PRKCZ: variants seen among roughly 807,000 people sequenced by gnomAD.
PRKCZ encodes protein kinase C zeta type.
A neutral mutation model predicts 79.5 loss-of-function variants in PRKCZ; 33 were observed. The ratio of observed to expected loss-of-function variants is 0.41; its 90% CI spans 0.31 to 0.55. PRKCZ has a LOEUF of 0.55. Among genes scored for constraint, PRKCZ ranks in the 20% least tolerant of loss-of-function variants. PRKCZ has a pLI of 0.19. For missense variants in PRKCZ, 578 were observed against 813.5 expected, an observed-to-expected ratio of 0.71 and a Z score of 3.52; for synonymous variants, 342 against 320.9, an observed-to-expected ratio of 1.07 and a Z score of -0.70.
intron 4 of PRKCZ, chr1:2,074,898 A>C (rs1662114742): frequency 6.6e-6 from 1 of 151,554 alleles, no homozygotes; most frequent in African/African-American, 2.4e-5. Context: ...AACAACAACC[A>C]GCCTCCCCAG....
At chr1:2,064,271 C>T (rs184359508) in intron 4 of PRKCZ, among the ~76,000 whole-genome samples, 13 of 152,270 alleles carry the variant, frequency 8.5e-5, no homozygotes, top group African/African-American at 1.2e-4. Flanking sequence ...ATGTTAATCC[C>T]GTAGCAGATA....
intron 4 of PRKCZ, among the ~76,000 whole-genome samples, chr1:2,095,431 GGT>G (rs1380540762): frequency 6.6e-6 from 1 of 152,100 alleles, no homozygotes; most frequent in African/African-American, 2.4e-5. Context: ...GGTGCCCAGT[GGT>G]TGAGTCGCTG....
At chr1:2,098,066 A>T (rs1234372915) in intron 4 of PRKCZ, among the ~76,000 whole-genome samples, 4 of 151,658 alleles carry the variant, frequency 2.6e-5, no homozygotes, top group Admixed American at 1.3e-4. Flanking sequence ...GTGACTCAGG[A>T]TGACTAAGAA....
rs367865287 is a variant in PRKCZ, at chr1:2,185,037, G to A, written c.*28G>A. 2.5e-5 allele frequency: 39 copies of A among 1,576,612 alleles called. No individual in the cohort carries two copies. Among genetic ancestry groups the A allele is most frequent in the East Asian group, 1.1e-4 (5 of 44,300 alleles). On this transcript the variant is annotated 3_prime_UTR_variant, in exon 18 of 18. Coordinates refer to ENST00000378567, the MANE Select transcript of PRKCZ (RefSeq NM_002744.6). Reference sequence around the variant, plus strand: ...CCGCGTGCGTCTCTGTCGTGGACACGCGTGATTGACCCTTTAACTGTATCC... The same window carrying A: ...CCGCGTGCGTCTCTGTCGTGGACACACGTGATTGACCCTTTAACTGTATCC...
At chr1:2,052,213 G>A (rs925030336) in intron 1 of PRKCZ, among the ~76,000 whole-genome samples, 1 of 152,126 alleles carries the variant, frequency 6.6e-6, no homozygotes, top group African/African-American at 2.4e-5. Flanking sequence ...GCATTCCGGC[G>A]TCCAATTCCT....
At chr1:2,083,943 G>T (rs866565798) in intron 4 of PRKCZ, among the ~76,000 whole-genome samples, 1 of 152,168 alleles carries the variant, frequency 6.6e-6, no homozygotes, top group South Asian at 2.1e-4. Flanking sequence ...TTTAAAAATC[G>T]TATGTTGGCC....
At chr1:2,089,271 C>T (rs769154921) in intron 4 of PRKCZ, among the ~76,000 whole-genome samples, 4 of 152,120 alleles carry the variant, frequency 2.6e-5, no homozygotes, top group Non-Finnish European at 5.9e-5. Context: ...CTGGGGCCTG[C>T]ATGGGTAGAA....
rs114352908 is a variant in PRKCZ at position 2,137,402 on chromosome 1, C to T, written c.420+2055C>T. ...TCAGGGCAGCGCCCTCATAGACACA[C>T]CCAGATGCAATACTTCACCAGTTCT... On this transcript the variant is annotated intron_variant, in intron 5 of 17. Coordinates refer to ENST00000378567, the MANE Select transcript of PRKCZ (RefSeq NM_002744.6). Among the ~76,000 whole-genome samples the T allele has an allele frequency of 2.2e-3, 329 of 152,328 alleles. 1 individual carries two copies. Among genetic ancestry groups the T allele is most frequent in the African/African-American group, 7.5e-3 (312 of 41,578 alleles).
chr1:2,129,837 G>A (rs574729957), intron 4 of PRKCZ, among the ~76,000 whole-genome samples: 2 of 152,214 alleles, frequency 1.3e-5, no homozygotes, highest in African/African-American at 2.4e-5. Flanking sequence ...GTTCTCCACA[G>A]CCTTTGCAGT....
At chr1:2,135,378 A>G (rs962009386) in intron 5 of PRKCZ, 31 bp downstream of exon 5, 33 of 1,553,398 alleles carry the variant, frequency 2.1e-5, no homozygotes, top group Non-Finnish European at 2.6e-5. Context: ...TAGTCCCTCA[A>G]GGGGCCTTTT....
At chr1:2,111,190 G>A (rs1274003301) in intron 4 of PRKCZ, among the ~76,000 whole-genome samples, 1 of 152,112 alleles carries the variant, frequency 6.6e-6, no homozygotes, top group Non-Finnish European at 1.5e-5. Context: ...GCCTAACTCG[G>A]GCTGAGCTGA....
intron 4 of PRKCZ, among the ~76,000 whole-genome samples, chr1:2,105,343 G>A (rs1668197139): frequency 6.6e-6 from 1 of 152,198 alleles, no homozygotes; most frequent in Admixed American, 6.5e-5. Flanking sequence ...AGGGTGCCCG[G>A]GGCCCATCCG....
chr1:2,109,952 C>T (rs1244193583), intron 4 of PRKCZ, among the ~76,000 whole-genome samples: 3 of 152,192 alleles, frequency 2.0e-5, no homozygotes, highest in South Asian at 2.1e-4. Flanking sequence ...TTGAGGGAGA[C>T]GTCTCCAGGG....
chr1:2,157,958 TG>T (rs1222427245), intron 10 of PRKCZ, among the ~76,000 whole-genome samples: 1 of 152,212 alleles, frequency 6.6e-6, no homozygotes, highest in Non-Finnish European at 1.5e-5. Context: ...TCCTAGGCCC[TG>T]GGTGCAACCC....
chr1:2,105,293 C>T (rs187513679), intron 4 of PRKCZ, among the ~76,000 whole-genome samples: 45 of 152,294 alleles, frequency 3.0e-4, no homozygotes, highest in African/African-American at 9.6e-4. Context: ...TGTTTGTAGA[C>T]GCAACTCTTG....
At chr1:2,095,497 C>G (rs1034686978) in intron 4 of PRKCZ, among the ~76,000 whole-genome samples, 2 of 152,092 alleles carry the variant, frequency 1.3e-5, no homozygotes, top group Admixed American at 6.5e-5. Context: ...TAGCTGGGAG[C>G]CAGACCCTCC....
intron 8 of PRKCZ, among the ~76,000 whole-genome samples, 154 bp from the exon 9 acceptor site, chr1:2,150,636 G>T (rs1468663949): frequency 6.6e-6 from 1 of 152,212 alleles, no homozygotes; most frequent in East Asian, 1.9e-4. Flanking sequence ...GAGTTTGGGG[G>T]TGGGATATGT....
intron 7 of PRKCZ, among the ~76,000 whole-genome samples, chr1:2,148,336 G>C (rs796349660): frequency 8.3e-6 from 1 of 120,118 alleles, no homozygotes; most frequent in Non-Finnish European, 1.7e-5. Context: ...CTCTCCATCT[G>C]TCCATCCACT....
Position 2,169,384 on chromosome 1 carries a change from C to CTGCTCTT in PRKCZ, c.975-123_975-117dup, listed in dbSNP as rs755485566. The CTGCTCTT allele has an allele frequency of 2.8e-5, 22 of 775,258 alleles. No homozygotes were observed. The East Asian group carries it at 5.3e-4, about 19-fold the overall frequency. The allele number at this position is 775,258 out of a possible 1,614,324, so 48.0% of individuals were successfully genotyped here. A position where few individuals can be genotyped will look rare whatever the true frequency, so the allele number is the denominator to read the frequency against. The stretch of plus-strand genomic sequence containing the variant: ...CCTCTCTGCTGCCAGGGTGCTCCTG[C>CTGCTCTT]TGCTCTTTGCTCTTTGCAAGACTGA... On this transcript the variant is annotated intron_variant, in intron 10 of 17. Transcript: ENST00000378567.
Sources: gnomAD v4.1 joint callset for allele counts (sites outside exome capture counted in the v4.1 genomes callset) on GRCh38, gnomAD v4.1.1 for gene constraint, MANE v1.5 for transcripts, NCBI Gene and HGNC (gene_info 2026-07-23, HGNC 2026-07-21) for gene names.